Variants in DYNC1H1 observed in about 807,000 individuals in gnomAD.
DYNC1H1 encodes dynein cytoplasmic 1 heavy chain 1, also known as cytoplasmic dynein 1 heavy chain 1.
In DYNC1H1, 51 loss-of-function variants were observed where a neutral mutation model predicts 527.1. The ratio of observed to expected loss-of-function variants is 0.10; its 90% CI spans 0.08 to 0.12. DYNC1H1 has a LOEUF of 0.12. Ranked by LOEUF, DYNC1H1 falls within the 10% of genes least tolerant of loss-of-function variation. DYNC1H1 has a pLI of 1.00. For synonymous variants in DYNC1H1, 2,189 were observed against 2,278.8 expected (o/e 0.96, Z 1.12); for missense variants, 2,771 against 5,971.8 (o/e 0.46, Z 17.66).
At position 102,051,120 on chromosome 14, in the gene DYNC1H1, G is replaced by A; in HGVS notation, c.*557G>A. ...CTCTACAGGAAATTAAATCAGGTGT[G>A]GTGGTGCATGCCTGTAGTCCCAGCT... On this transcript the variant is annotated 3_prime_UTR_variant, in exon 78 of 78. Coordinates refer to ENST00000360184, the MANE Select transcript of DYNC1H1 (RefSeq NM_001376.5). The A allele has an allele frequency of 4.9e-6, 1 of 203,742 alleles. No homozygotes were observed. The highest frequency in any genetic ancestry group is 1.0e-5 in the Non-Finnish European group (1 of 99,682). 12.6% of individuals were successfully genotyped at this position (203,742 alleles called of 1,614,324 possible). A position where few individuals can be genotyped will look rare whatever the true frequency, so the allele number is the denominator to read the frequency against.
chr14:101,983,411 GAC>G lies in DYNC1H1; in HGVS notation c.1264_1265del (p.Thr422LeufsTer3). On this transcript the variant is annotated frameshift_variant, in exon 7 of 78. Coordinates refer to ENST00000360184, the MANE Select transcript of DYNC1H1 (RefSeq NM_001376.5). LOFTEE classifies it high-confidence loss of function. The surrounding 1 kb of genome is among the most constrained non-coding windows in gnomAD (Gnocchi z 5.3). Reference protein sequence around the residue: ...VMVACFEVFQTWDDEYEKLQV... With the variant: ...VMVACFEVFQXWDDEYEKLQV... ...TGGTAGCATGCTTTGAAGTTTTTCA[GAC>G]TTGGGATGATGAGTATGAGAAACTT... The G allele has an allele frequency of 6.2e-7, 1 of 1,614,128 alleles. No homozygotes were observed. Among genetic ancestry groups the G allele is most frequent in the Non-Finnish European group, 8.5e-7 (1 of 1,180,028 alleles).
Position 101,987,447 on chromosome 14 carries a change from C to A in DYNC1H1, c.2539-6C>A, listed in dbSNP as rs535465221. 4.3e-6 allele frequency: 7 copies of A among 1,613,742 alleles called. No individual in the cohort carries two copies. Among genetic ancestry groups the A allele is most frequent in the Non-Finnish European group, 5.1e-6 (6 of 1,179,802 alleles). ...TGTTTTAAATATTAAATATTTCTTCCTTCAGGTGGATGATCTGCTGATCAT... is the reference window on the plus strand; with the variant it reads ...TGTTTTAAATATTAAATATTTCTTCATTCAGGTGGATGATCTGCTGATCAT... On this transcript the variant is annotated splice_region_variant and splice_polypyrimidine_tract_variant and intron_variant, in intron 8 of 77. Transcript: ENST00000360184.
In DYNC1H1 at chr14:102,049,702, T is replaced by C. The variant is rs1260842367; in HGVS notation, c.13516-12T>C. 7 of 1,613,936 alleles carry C rather than the reference T, an allele frequency of 4.3e-6. No individual in the cohort carries two copies. The highest frequency in any genetic ancestry group is 1.3e-5 in the African/African-American group (1 of 75,052). ...CTGAGCTCCTTCCCCTGGGGGCTGC[T>C]GCTTTCCACAGAACATCCACGTGTG... On this transcript the variant is annotated splice_polypyrimidine_tract_variant and intron_variant, in intron 75 of 77. Transcript: ENST00000360184. The surrounding 1 kb of genome is among the most constrained non-coding windows in gnomAD (Gnocchi z 5.5).
rs371528875 is a variant in DYNC1H1 at position 102,010,009 on chromosome 14, A to G, written c.6144A>G (p.Leu2048=). The change falls in exon 30 of 78, where the codon TTA becomes TTG. Residue 2048 remains leucine (L), a synonymous_variant. Transcript: ENST00000360184. This position sits in a 1 kb window ranked among gnomAD's most constrained non-coding sequence, Gnocchi z 6.0. ...SLAMTKPDRQ[L]IAQVMLYSQG... is the part of the protein sequence containing the mutation. ...CCATGACCAAGCCCGACCGGCAGTT[A>G]ATCGCCCAGGTCATGCTGTACTCAC... 4.3e-6 allele frequency: 7 copies of G among 1,614,000 alleles called. No homozygotes were observed. In the African/African-American group the frequency reaches 9.3e-5, roughly 22 times the overall value.
chr14:102,047,639 G>GTATATATATATATATATATATATATATA lies in DYNC1H1; in HGVS notation c.13007-177_13007-176insATATATATATATATATATATATATATAT, dbSNP rs1287359925. ...TATACACGTGTGTGTGTGTGTGTGT[G>GTATATATATATATATATATATATATATA]TGTATATATATATATATATATATAT... On this transcript the variant is annotated intron_variant, in intron 72 of 77. Coordinates refer to ENST00000360184, the MANE Select transcript of DYNC1H1 (RefSeq NM_001376.5). 2.6e-5 allele frequency: 9 copies of GTATATATATATATATATATATATATATA among 346,226 alleles called. No individual in the cohort carries two copies. In the African/African-American group the frequency reaches 2.9e-4, roughly 11 times the overall value. The allele number at this position is 346,226 out of a possible 1,614,324, so 21.4% of individuals were successfully genotyped here. A position where few individuals can be genotyped will look rare whatever the true frequency, so the allele number is the denominator to read the frequency against.
At chr14:101,968,226 G>T (rs2047689444) in intron 1 of DYNC1H1, among the ~76,000 whole-genome samples, 1 of 152,140 alleles carries the variant, frequency 6.6e-6, no homozygotes, top group African/African-American at 2.4e-5. Flanking sequence ...CTGCTAGGTT[G>T]GTTGGTCTGG....
intron 1 of DYNC1H1, among the ~76,000 whole-genome samples, chr14:101,969,979 A>G (rs2047713112): frequency 6.6e-6 from 1 of 152,206 alleles, no homozygotes; most frequent in South Asian, 2.1e-4. Context: ...TGTTCTAAGG[A>G]GGGTTCTGAA....
rs765859961 is a variant in DYNC1H1 at position 102,002,776 on chromosome 14, T to C, written c.4710-16T>C. The C allele has an allele frequency of 6.2e-7, 1 of 1,614,254 alleles. No individual in the cohort carries two copies. The highest frequency in any genetic ancestry group is 2.2e-5 in the East Asian group (1 of 44,888). ...CTCTACACAAAGGCTGACGCATGTT[T>C]TAATTTCATTTGTAGCATCAGCACT... On this transcript the variant is annotated splice_polypyrimidine_tract_variant and intron_variant, in intron 22 of 77. Transcript: ENST00000360184. This position sits in a 1 kb window ranked among gnomAD's most constrained non-coding sequence, Gnocchi z 4.4.
chr14:102,017,810 C>A lies in DYNC1H1; in HGVS notation c.8177+306C>A. 1 of 394,514 alleles carries A rather than the reference C, an allele frequency of 2.5e-6. No homozygotes were observed. Among genetic ancestry groups the A allele is most frequent in the South Asian group, 2.2e-5 (1 of 45,154 alleles). 24.4% of individuals were successfully genotyped at this position (394,514 alleles called of 1,614,324 possible). A position where few individuals can be genotyped will look rare whatever the true frequency, so the allele number is the denominator to read the frequency against. On this transcript the variant is annotated intron_variant, in intron 40 of 77. Transcript: ENST00000360184. This position sits in a 1 kb window ranked among gnomAD's most constrained non-coding sequence, Gnocchi z 4.6. The stretch of plus-strand genomic sequence containing the variant: ...TGAAACCTCGTCTCTACTGAAAATA[C>A]AAAAACAAAATTAAGGCCGGGCGTG...
rs972976137 is a variant in DYNC1H1, at chr14:102,011,100, A to G, written c.6618+148A>G. ...CTTTATGAAGATTTGCCCAAGGCCTATTTGAATTTTTGTTGTTGTTGTTTA... is the reference window on the plus strand; with the variant it reads ...CTTTATGAAGATTTGCCCAAGGCCTGTTTGAATTTTTGTTGTTGTTGTTTA... On this transcript the variant is annotated intron_variant, in intron 32 of 77. Coordinates refer to ENST00000360184, the MANE Select transcript of DYNC1H1 (RefSeq NM_001376.5). The surrounding 1 kb of genome is among the most constrained non-coding windows in gnomAD (Gnocchi z 5.3). 4 of 861,978 alleles carry G rather than the reference A, an allele frequency of 4.6e-6. No individual in the cohort carries two copies. The highest frequency in any genetic ancestry group is 2.6e-5 in the East Asian group (1 of 38,864). 53.4% of individuals were successfully genotyped at this position (861,978 alleles called of 1,614,324 possible).
intron 10 of DYNC1H1, among the ~76,000 whole-genome samples, chr14:101,989,882 C>A (rs764701641): frequency 3.3e-5 from 5 of 152,132 alleles, no homozygotes; most frequent in Admixed American, 6.5e-5. Flanking sequence ...ATTGTGGTCC[C>A]GACGATTACA....
intron 10 of DYNC1H1, 136 bp downstream of exon 10, chr14:101,988,988 C>T (rs1323249165): frequency 8.2e-6 from 10 of 1,220,194 alleles, no homozygotes; most frequent in East Asian, 5.1e-5. Context: ...AGGTCAGCCT[C>T]ACCAGTGGCG....
intron 1 of DYNC1H1, among the ~76,000 whole-genome samples, chr14:101,973,385 C>G (rs1264802856): frequency 6.6e-6 from 1 of 152,024 alleles, no homozygotes; most frequent in Non-Finnish European, 1.5e-5. Flanking sequence ...GTATTGAACT[C>G]CTGACTTGAA....
chr14:102,007,733 A>T (rs2048213299), intron 28 of DYNC1H1, among the ~76,000 whole-genome samples: 1 of 152,214 alleles, frequency 6.6e-6, no homozygotes, highest in Admixed American at 6.5e-5. Context: ...TGAAGCCAGC[A>T]CTGAGGCAGG....
intron 11 of DYNC1H1, among the ~76,000 whole-genome samples, chr14:101,993,569 ACTCTTGCCCCTGCGC>A (rs1555408746): frequency 6.6e-6 from 1 of 151,896 alleles, no homozygotes. Flanking sequence ...ATGCCGGTAG[ACTCTTGCCCCTGCGC>A]CTTCACATTT....
Position 101,964,845 on chromosome 14 carries a change from C to T in DYNC1H1, c.154C>T (p.Leu52=), listed in dbSNP as rs2141258601. The change falls in exon 1 of 78, where the codon CTG becomes TTG. Residue 52 remains leucine (L), a synonymous_variant. Transcript: ENST00000360184. This position sits in a 1 kb window ranked among gnomAD's most constrained non-coding sequence, Gnocchi z 5.5. ...LEDGGEAPAA[L]EAALEEKSAL... The stretch of plus-strand genomic sequence containing the variant: ...GGACGGCGGCGAGGCGCCGGCCGCG[C>T]TGGAGGCGGCGCTGGAGGAGAAGAG... The T allele has an allele frequency of 1.3e-6, 2 of 1,598,688 alleles. No individual in the cohort carries two copies. Among genetic ancestry groups the T allele is most frequent in the Non-Finnish European group, 1.7e-6 (2 of 1,173,604 alleles).
chr14:102,038,736 T>G lies in DYNC1H1; in HGVS notation c.11094T>G (p.Phe3698Leu). Residue 3698 changes from phenylalanine (F) to leucine (L), a missense_variant, in exon 59 of 78, where the codon TTT (phenylalanine) becomes TTG (leucine). Around this residue, in one of 32 missense-constraint regions of DYNC1H1, gnomAD observed 283 missense variants for 737.6 expected, o/e 0.38. Coordinates refer to ENST00000360184, the MANE Select transcript of DYNC1H1 (RefSeq NM_001376.5). This position sits in a 1 kb window ranked among gnomAD's most constrained non-coding sequence, Gnocchi z 7.2. ...FPPDLCSRVT[F>L]VNFTVTRSSL... ...CAGATCTCTGTTCCCGGGTTACTTT[T>G]GTAAACTTCACAGTTACCCGTAGCA... 6.2e-7 allele frequency: 1 copy of G among 1,614,238 alleles called. No homozygotes were observed. The highest frequency in any genetic ancestry group is 8.5e-7 in the Non-Finnish European group (1 of 1,180,038).
rs370223723 is a variant in DYNC1H1 at position 102,027,871 on chromosome 14, C to G, written c.9263+38C>G. Reference sequence around the variant, plus strand: ...TTACTTGGCTCTGGGTCAGGAAAGTCGGTGTCCTTCCAAGGGACAAAGCCT... The same window carrying G: ...TTACTTGGCTCTGGGTCAGGAAAGTGGGTGTCCTTCCAAGGGACAAAGCCT... On this transcript the variant is annotated intron_variant, in intron 47 of 77. Coordinates refer to ENST00000360184, the MANE Select transcript of DYNC1H1 (RefSeq NM_001376.5). The surrounding 1 kb of genome is among the most constrained non-coding windows in gnomAD (Gnocchi z 7.7). The G allele has an allele frequency of 1.2e-6, 2 of 1,614,176 alleles. No individual in the cohort carries two copies. Among genetic ancestry groups the G allele is most frequent in the Admixed American group, 3.3e-5 (2 of 60,014 alleles).
At position 102,034,023 on chromosome 14, in the gene DYNC1H1, A is replaced by G. The variant is rs1291623487; in HGVS notation, c.10461A>G (p.Glu3487=). ...TGAAGAGCTTGTCTGCTGAACGTGA[A>G]CGATGGGAAAAAACAAGTGAAACTT... ...ALLKSLSAER[E]RWEKTSETFK... The change falls in exon 55 of 78, where the codon GAA becomes GAG. Residue 3487 remains glutamate (E), a synonymous_variant. Transcript: ENST00000360184. 20 of 1,613,974 alleles carry G rather than the reference A, an allele frequency of 1.2e-5. No homozygotes were observed. The highest frequency in any genetic ancestry group is 1.5e-5 in the Non-Finnish European group (18 of 1,180,046).
Sources: allele counts gnomAD v4.1 joint callset (sites outside exome capture counted in the v4.1 genomes callset), GRCh38; gene constraint gnomAD v4.1.1; regional missense constraint gnomAD v4.1.1; non-coding constraint Gnocchi (gnomAD v3.1); transcripts MANE v1.5; gene names NCBI Gene and HGNC (gene_info 2026-07-23, HGNC 2026-07-21).